Variants in DOK6 observed in about 807,000 individuals in gnomAD.
The protein encoded by DOK6 is downstream of tyrosine kinase 6.
Under a neutral mutation model 44.0 loss-of-function variants are expected in DOK6, and 22 were observed. That is an observed-to-expected ratio of 0.50 (90% CI 0.36 to 0.71). The LOEUF (loss-of-function observed/expected upper bound fraction) is 0.71. Among genes scored for constraint, DOK6 ranks in the 30% least tolerant of loss-of-function variants. DOK6 has a pLI of 0.00. For synonymous variants in DOK6, 166 were observed against 145.5 expected, an observed-to-expected ratio of 1.14 and a Z score of -1.01; for missense variants, 340 against 416.4, an observed-to-expected ratio of 0.82 and a Z score of 1.60.
intron 2 of DOK6, among the ~76,000 whole-genome samples, chr18:69,595,979 T>G (rs939220670): frequency 6.6e-6 from 1 of 152,154 alleles, no homozygotes; most frequent in African/African-American, 2.4e-5. Context: ...AACACCTGAC[T>G]TCATTTTCAA....
chr18:69,643,089 C>T (rs1984984741), intron 3 of DOK6, among the ~76,000 whole-genome samples: 1 of 152,122 alleles, frequency 6.6e-6, no homozygotes, highest in South Asian at 2.1e-4. Flanking sequence ...TTTTTATATT[C>T]ACTGTAATAA....
intron 7 of DOK6, among the ~76,000 whole-genome samples, chr18:69,774,886 A>T (rs1436878748): frequency 1.3e-5 from 2 of 152,006 alleles, no homozygotes; most frequent in Non-Finnish European, 2.9e-5. Flanking sequence ...CATGAAAAAA[A>T]TAAAAAGCAA....
At chr18:69,752,258 A>T (rs182183234) in intron 6 of DOK6, among the ~76,000 whole-genome samples, 1,725 of 151,542 alleles carry the variant, frequency 0.011, 29 homozygotes, top group African/African-American at 0.039. Flanking sequence ...GTATTTTTTT[A>T]AAAAATCCTA....
intron 7 of DOK6, among the ~76,000 whole-genome samples, chr18:69,780,380 T>A (rs1160896900): frequency 6.6e-6 from 1 of 152,118 alleles, no homozygotes; most frequent in African/African-American, 2.4e-5. Context: ...TCACTTGAGG[T>A]CAGGAGTTCA....
intron 7 of DOK6, among the ~76,000 whole-genome samples, chr18:69,803,673 CA>C (rs1248346668): frequency 6.6e-6 from 1 of 151,976 alleles, no homozygotes; most frequent in Non-Finnish European, 1.5e-5. Flanking sequence ...CCATCCTGGC[CA>C]ATATGGTGAA....
At chr18:69,430,552 T>G (rs1332083434) in intron 1 of DOK6, among the ~76,000 whole-genome samples, 1 of 152,218 alleles carries the variant, frequency 6.6e-6, no homozygotes, top group African/African-American at 2.4e-5. Flanking sequence ...TCATTATTCA[T>G]TCTTTGAATG....
At chr18:69,422,450 C>A (rs1239118277) in intron 1 of DOK6, among the ~76,000 whole-genome samples, 1 of 152,156 alleles carries the variant, frequency 6.6e-6, no homozygotes, top group East Asian at 1.9e-4. Flanking sequence ...ATATTCTGTT[C>A]CCTCCTGAAC....
At chr18:69,475,154 A>T (rs1428184325) in intron 1 of DOK6, among the ~76,000 whole-genome samples, 1 of 152,214 alleles carries the variant, frequency 6.6e-6, no homozygotes, top group Non-Finnish European at 1.5e-5. Flanking sequence ...AATCAACTGT[A>T]GCACAACAGA....
intron 1 of DOK6, among the ~76,000 whole-genome samples, chr18:69,415,426 G>T (rs111820399): frequency 6.6e-6 from 1 of 152,004 alleles, no homozygotes; most frequent in African/African-American, 2.4e-5. Flanking sequence ...CAATTTCTGC[G>T]TATCATCAAG....
chr18:69,450,766 A>G (rs1250579028), intron 1 of DOK6, among the ~76,000 whole-genome samples: 1 of 145,378 alleles, frequency 6.9e-6, no homozygotes, highest in Non-Finnish European at 1.5e-5. Flanking sequence ...CAACATTCTT[A>G]AAGAAAAGAA....
chr18:69,465,152 A>G (rs1257729889), intron 1 of DOK6, among the ~76,000 whole-genome samples: 1 of 152,138 alleles, frequency 6.6e-6, no homozygotes, highest in East Asian at 1.9e-4. Flanking sequence ...CTTGTATGGC[A>G]TGTTTGATTT....
At chr18:69,496,720 A>C (rs1318333549) in intron 1 of DOK6, among the ~76,000 whole-genome samples, 1 of 152,122 alleles carries the variant, frequency 6.6e-6, no homozygotes, top group East Asian at 1.9e-4. Flanking sequence ...TTCTCATGGT[A>C]TTCTCTGAAT....
chr18:69,459,507 G>T (rs1171104194), intron 1 of DOK6, among the ~76,000 whole-genome samples: 1 of 151,702 alleles, frequency 6.6e-6, no homozygotes, highest in Non-Finnish European at 1.5e-5. Context: ...ATAATTCATT[G>T]TTCACCTGCT....
In DOK6 at chr18:69,767,848, C is replaced by T. The variant is rs573847008; in HGVS notation, c.856+9975C>T. Among the ~76,000 whole-genome samples the T allele has an allele frequency of 2.6e-5, 4 of 152,290 alleles. No homozygotes were observed. In the South Asian group the frequency reaches 8.3e-4, roughly 32 times the overall value. ...TAAAATCCGAAGAGGACTCACAGTG[C>T]AAAATATACCAAATCAGCCATTTAA... On this transcript the variant is annotated intron_variant, in intron 7 of 7. Transcript: ENST00000382713.
intron 1 of DOK6, among the ~76,000 whole-genome samples, chr18:69,486,703 TGTG>T (rs1452558700): frequency 6.6e-6 from 1 of 152,192 alleles, no homozygotes; most frequent in Admixed American, 6.5e-5. Flanking sequence ...ACTCAACAAA[TGTG>T]GTGGTTATGT....
intron 3 of DOK6, among the ~76,000 whole-genome samples, chr18:69,648,381 C>T (rs541496044): frequency 3.3e-5 from 5 of 152,188 alleles, no homozygotes; most frequent in South Asian, 2.1e-4. Context: ...CCCTGAGTCA[C>T]GAATTTACCT....
rs2122373400 is a variant in DOK6, at chr18:69,401,250, C to T, written c.6C>T (p.Ala2=). M[A]SNFNDIVKQG... ...GGAGCCCGATCGCGCTGGCCATGGC[C>T]TCCAACTTTAACGACATAGTCAAGC... Residue 2 remains alanine (A), a synonymous_variant, in exon 1 of 8, where the codon GCC becomes GCT. Transcript: ENST00000382713. 2 of 1,575,926 alleles carry T rather than the reference C, an allele frequency of 1.3e-6. No homozygotes were observed. Among genetic ancestry groups the T allele is most frequent in the South Asian group, 2.3e-5 (2 of 87,148 alleles).
chr18:69,726,852 TAA>T (rs35924499), intron 5 of DOK6, among the ~76,000 whole-genome samples: 21,400 of 131,694 alleles, frequency 0.16, 1,707 homozygotes, highest in Middle Eastern at 0.25. Context: ...TGATCCTTTT[TAA>T]AAAAAAAAAA....
chr18:69,420,930 T>C (rs1480039445), intron 1 of DOK6, among the ~76,000 whole-genome samples: 1 of 152,194 alleles, frequency 6.6e-6, no homozygotes, highest in African/African-American at 2.4e-5. Flanking sequence ...ATTGGCTGTA[T>C]CTATTTCAAT....
Sources: allele counts gnomAD v4.1 joint callset (sites outside exome capture counted in the v4.1 genomes callset), GRCh38; gene constraint gnomAD v4.1.1; transcripts MANE v1.5; gene names NCBI Gene and HGNC (gene_info 2026-07-23, HGNC 2026-07-21).